The following IMMP2L variants were observed in gnomAD, a reference collection of about 807,000 sequenced individuals.
IMMP2L encodes the protein inner mitochondrial membrane peptidase subunit 2.
In IMMP2L, 18 loss-of-function variants were observed where a neutral mutation model predicts 19.3. That is an observed-to-expected ratio of 0.93 (90% CI 0.64 to 1.38). The LOEUF (loss-of-function observed/expected upper bound fraction) is 1.38, where lower values mean the gene tolerates loss of function less well. Ranked by LOEUF, IMMP2L falls within the 40% of genes most tolerant of loss-of-function variation. The probability of loss-of-function intolerance (pLI) is 0.00; values close to 1 mark genes in which losing one functional copy is unlikely to be tolerated. For synonymous variants in IMMP2L, 76 were observed against 73.0 expected (o/e 1.04, Z -0.21); for missense variants, 233 against 218.2 (o/e 1.07, Z -0.43).
chr7:110,957,554 C>T (rs980084592), intron 4 of IMMP2L, among the ~76,000 whole-genome samples: 2 of 151,910 alleles, frequency 1.3e-5, no homozygotes, highest in East Asian at 1.9e-4. Flanking sequence ...GGCTCGCCAT[C>T]CTTCTAAAAT....
At position 111,025,401 on chromosome 7, in the gene IMMP2L, T is replaced by C. The variant is rs112335799; in HGVS notation, c.240-61836A>G. ...TTTTACCAATAAGAATTATCAGAAT[T>C]AAACAAGCTATTGTAATATCCAAAA... On this transcript the variant is annotated intron_variant, in intron 3 of 5. Coordinates refer to ENST00000405709, the MANE Select transcript of IMMP2L (RefSeq NM_032549.4). Among the ~76,000 whole-genome samples the C allele has an allele frequency of 4.8e-3, 729 of 152,256 alleles. 6 individuals carry two copies. The highest frequency in any genetic ancestry group is 0.017 in the African/African-American group (701 of 41,542).
At chr7:111,544,301 C>T (rs916358516) in intron 1 of IMMP2L, among the ~76,000 whole-genome samples, 2 of 151,914 alleles carry the variant, frequency 1.3e-5, no homozygotes, top group Admixed American at 6.6e-5. Flanking sequence ...ATGTAAATGA[C>T]GAGTTAATGG....
chr7:111,224,165 G>C (rs1419988743), intron 3 of IMMP2L, among the ~76,000 whole-genome samples: 3 of 152,048 alleles, frequency 2.0e-5, no homozygotes, highest in African/African-American at 4.8e-5. Context: ...CACAGGACTG[G>C]TGTGATGGCC....
chr7:111,222,249 A>G (rs1812595571), intron 3 of IMMP2L, among the ~76,000 whole-genome samples: 1 of 152,046 alleles, frequency 6.6e-6, no homozygotes, highest in Non-Finnish European at 1.5e-5. Context: ...AAAGTAAAAT[A>G]TAGAAAAATA....
At chr7:110,753,309 G>C (rs1260454173) in intron 5 of IMMP2L, among the ~76,000 whole-genome samples, 2 of 152,040 alleles carry the variant, frequency 1.3e-5, no homozygotes, top group Non-Finnish European at 2.9e-5. Context: ...AAAGGGAATA[G>C]AGGTAAGTAT....
At chr7:110,750,742 T>C (rs1797667494) in intron 5 of IMMP2L, among the ~76,000 whole-genome samples, 1 of 152,006 alleles carries the variant, frequency 6.6e-6, no homozygotes, top group Non-Finnish European at 1.5e-5. Context: ...GTATTTTCTG[T>C]ACACAGGCCA....
intron 3 of IMMP2L, among the ~76,000 whole-genome samples, chr7:111,031,652 A>T (rs1408160302): frequency 6.6e-6 from 1 of 152,192 alleles, no homozygotes; most frequent in Non-Finnish European, 1.5e-5. Flanking sequence ...CAAATGATTT[A>T]TGCCTATACT....
intron 2 of IMMP2L, among the ~76,000 whole-genome samples, chr7:111,501,627 A>G (rs1302725275): frequency 2.0e-5 from 3 of 152,188 alleles, no homozygotes; most frequent in East Asian, 1.9e-4. Context: ...CGGATCTCTC[A>G]GCAGAAACTC....
intron 5 of IMMP2L, among the ~76,000 whole-genome samples, chr7:110,825,682 T>G (rs1017319552): frequency 1.1e-4 from 16 of 152,184 alleles, no homozygotes; most frequent in Admixed American, 9.8e-4. Flanking sequence ...ATACAAAAAT[T>G]AATTCAAGAT....
intron 5 of IMMP2L, among the ~76,000 whole-genome samples, chr7:110,665,756 C>A (rs1791406185): frequency 6.6e-6 from 1 of 152,072 alleles, no homozygotes; most frequent in African/African-American, 2.4e-5. Context: ...TCACTTAAGG[C>A]AATATTGACT....
Position 110,963,563 on chromosome 7 carries a change from G to A in IMMP2L, c.242C>T (p.Ser81Phe), listed in dbSNP as rs780843967. The change falls in exon 4 of 6, where the codon TCT becomes TTT. Residue 81 changes from serine (S) to phenylalanine (F), a missense_variant and splice_region_variant. Coordinates refer to ENST00000405709, the MANE Select transcript of IMMP2L (RefSeq NM_032549.4). ...VHRGDIVSLV[S>F]PKNPEQKIIK... ...GATCTTCTGTTCTGGGTTTTTAGGA[G>A]ACCTAGAACAAGAAGATAACATTAT... is the stretch of plus-strand genomic sequence containing the variant. 5 of 1,576,250 alleles carry A rather than the reference G, an allele frequency of 3.2e-6. No individual in the cohort carries two copies. In the Admixed American group the frequency reaches 6.8e-5, roughly 21 times the overall value.
chr7:111,404,828 A>G (rs941170450), intron 3 of IMMP2L, among the ~76,000 whole-genome samples: 3 of 152,092 alleles, frequency 2.0e-5, no homozygotes, highest in Non-Finnish European at 4.4e-5. Flanking sequence ...TTCTTGGTAC[A>G]TAATGTCTGT....
At chr7:111,138,024 T>A (rs1377563652) in intron 3 of IMMP2L, among the ~76,000 whole-genome samples, 2 of 152,082 alleles carry the variant, frequency 1.3e-5, no homozygotes, top group Non-Finnish European at 2.9e-5. Context: ...CAAATGGGGT[T>A]TCCCCATGTT....
At chr7:111,537,572 G>A (rs1420009130) in intron 1 of IMMP2L, among the ~76,000 whole-genome samples, 3 of 108,950 alleles carry the variant, frequency 2.8e-5, no homozygotes, top group African/African-American at 1.1e-4. Context: ...GTCTCACTCT[G>A]TCACCCAGGC....
At chr7:111,069,842 A>G (rs1428633979) in intron 3 of IMMP2L, among the ~76,000 whole-genome samples, 1 of 152,204 alleles carries the variant, frequency 6.6e-6, no homozygotes, top group Non-Finnish European at 1.5e-5. Flanking sequence ...AGAGTATGCT[A>G]TTGAACAAGT....
At chr7:111,378,364 T>C (rs1229707658) in intron 3 of IMMP2L, among the ~76,000 whole-genome samples, 3 of 152,024 alleles carry the variant, frequency 2.0e-5, no homozygotes, top group African/African-American at 7.2e-5. Context: ...CAACATTTTA[T>C]AATTGTCACA....
chr7:111,332,220 C>T (rs1231949511), intron 3 of IMMP2L, among the ~76,000 whole-genome samples: 1 of 151,394 alleles, frequency 6.6e-6, no homozygotes, highest in East Asian at 1.9e-4. Context: ...CAAAATAAAA[C>T]CTTCCTAGAA....
chr7:110,671,934 C>A (rs541797923), intron 5 of IMMP2L, among the ~76,000 whole-genome samples: 1 of 152,106 alleles, frequency 6.6e-6, no homozygotes, highest in African/African-American at 2.4e-5. Context: ...TCACCAGATG[C>A]TGAATTTGCT....
rs999336761 is a variant in IMMP2L, at chr7:110,966,172, T to C, written c.240-2607A>G. Among the ~76,000 whole-genome samples the C allele has an allele frequency of 5.3e-5, 8 of 152,094 alleles. No individual in the cohort carries two copies. The East Asian group carries it at 1.4e-3, about 26-fold the overall frequency. ...TGGATTGAAACCGTATGTTAGAAAA[T>C]ATTATTTGTGGCATGACTTCACATC... On this transcript the variant is annotated intron_variant, in intron 3 of 5. Coordinates refer to ENST00000405709, the MANE Select transcript of IMMP2L (RefSeq NM_032549.4).
Sources: gnomAD v4.1 joint callset for allele counts (sites outside exome capture counted in the v4.1 genomes callset) on GRCh38, gnomAD v4.1.1 for gene constraint, MANE v1.5 for transcripts, NCBI Gene and HGNC (gene_info 2026-07-23, HGNC 2026-07-21) for gene names.